KIF13A: variants seen among roughly 807,000 people sequenced by gnomAD.
The protein encoded by KIF13A is kinesin family member 13A.
KIF13A carries 79 observed loss-of-function variants against 212.2 expected under a neutral mutation model. That is an observed-to-expected ratio of 0.37 (90% confidence interval 0.31 to 0.45). The LOEUF (loss-of-function observed/expected upper bound fraction) is 0.45, where lower values mean the gene tolerates loss of function less well. KIF13A is among the 20% of genes least tolerant of loss of function. The pLI is 1.00. For missense variants in KIF13A, 1,901 were observed against 2,209.0 expected (o/e 0.86, Z 2.79); for synonymous variants, 789 against 808.6 (o/e 0.98, Z 0.41).
intron 2 of KIF13A, chr6:17,950,337 T>G: frequency 1.1e-6 from 1 of 893,020 alleles, no homozygotes; most frequent in South Asian, 5.2e-5. Flanking sequence ...TTTAAACAAA[T>G]CTAAGCACAA....
intron 16 of KIF13A, among the ~76,000 whole-genome samples, chr6:17,824,229 TAA>T: frequency 6.6e-6 from 1 of 152,052 alleles, no homozygotes; most frequent in African/African-American, 2.4e-5. Flanking sequence ...TTTTTATAAT[TAA>T]AAAAAGAGGC....
Position 17,961,648 on chromosome 6 carries a change from G to C in KIF13A, c.146+25406C>G, listed in dbSNP as rs948150001. Among the ~76,000 whole-genome samples the C allele has an allele frequency of 7.9e-5, 12 of 152,164 alleles. No homozygotes were observed. The highest frequency in any genetic ancestry group is 1.5e-4 in the Non-Finnish European group (10 of 68,040). On this transcript the variant is annotated intron_variant, in intron 2 of 38. Transcript: ENST00000259711. The surrounding 1 kb of genome is among the most constrained non-coding windows in gnomAD (Gnocchi z 4.1). ...CACCCAGGGCTTAGTAAATAGAATA[G>C]CTATGTTCTTTTTGAGCAACTAGCT...
chr6:17,833,422 G>A lies in KIF13A; in HGVS notation c.1266+539C>T, dbSNP rs190834854. On this transcript the variant is annotated intron_variant, in intron 12 of 38. Transcript: ENST00000259711. Reference sequence around the variant, plus strand: ...GAGGGAGGAGAATCACTTGAGCCCAGGATGTTGAGGCTGCAAGAGAGCTGT... The same window carrying A: ...GAGGGAGGAGAATCACTTGAGCCCAAGATGTTGAGGCTGCAAGAGAGCTGT... Among the ~76,000 whole-genome samples the A allele has an allele frequency of 4.6e-5, 7 of 150,812 alleles. No individual in the cohort carries two copies. In the Admixed American group the frequency reaches 4.7e-4, roughly 10 times the overall value.
intron 4 of KIF13A, among the ~76,000 whole-genome samples, chr6:17,864,143 C>G (rs1374093181): frequency 6.6e-6 from 1 of 152,156 alleles, no homozygotes; most frequent in Non-Finnish European, 1.5e-5. Flanking sequence ...CCAGACAATC[C>G]GAGCAGAGCC....
chr6:17,962,049 G>A (rs1261207162), intron 2 of KIF13A, among the ~76,000 whole-genome samples: 1 of 152,278 alleles, frequency 6.6e-6, no homozygotes, highest in Non-Finnish European at 1.5e-5. Flanking sequence ...GTAATAGGCT[G>A]GGTGTGGTGG....
At chr6:17,942,458 C>T (rs1467612578) in intron 2 of KIF13A, among the ~76,000 whole-genome samples, 2 of 151,816 alleles carry the variant, frequency 1.3e-5, no homozygotes, top group Non-Finnish European at 2.9e-5. Flanking sequence ...GTATAATTTC[C>T]AAATTTCACT....
downstream of KIF13A, among the ~76,000 whole-genome samples, chr6:17,762,765 C>A (rs2150279401): frequency 6.6e-6 from 1 of 152,272 alleles, no homozygotes; most frequent in East Asian, 1.9e-4. Context: ...GTGACTCTAT[C>A]ATTATTCTTA....
Position 17,796,656 on chromosome 6 carries a change from G to C in KIF13A, c.2942+13C>G. 4.1e-6 allele frequency: 6 copies of C among 1,470,766 alleles called. No individual in the cohort carries two copies. The highest frequency in any genetic ancestry group is 5.5e-6 in the Non-Finnish European group (6 of 1,099,896). The allele number at this position is 1,470,766 out of a possible 1,614,324, so 91.1% of individuals were successfully genotyped here. A position where few individuals can be genotyped will look rare whatever the true frequency, so the allele number is the denominator to read the frequency against. On this transcript the variant is annotated intron_variant, in intron 23 of 38. Transcript: ENST00000259711. ...CTTAACCTTGTACCTAAAGCTCACA[G>C]CCAAGTACAAACCTGTCATGCAGTG...
rs183458001 is a variant in KIF13A at position 17,908,118 on chromosome 6, T to C, written c.147-9938A>G. Among the ~76,000 whole-genome samples the C allele has an allele frequency of 5.1e-3, 779 of 152,260 alleles. 9 individuals are homozygous for C. The highest frequency in any genetic ancestry group is 8.4e-3 in the Non-Finnish European group (572 of 68,022). On this transcript the variant is annotated intron_variant, in intron 2 of 38. Coordinates refer to ENST00000259711, the MANE Select transcript of KIF13A (RefSeq NM_022113.6). ...ACTTGAAGGAAAAATCTGTAAGACT[T>C]GTTGAGTGTGTGCCCCCTCCACCTA...
intron 17 of KIF13A, among the ~76,000 whole-genome samples, chr6:17,810,063 T>C (rs78942727): frequency 8.8e-4 from 134 of 151,944 alleles, no homozygotes; most frequent in African/African-American, 3.1e-3. Context: ...CTCATCTCTA[T>C]TAAAAAAAAA....
intron 35 of KIF13A, among the ~76,000 whole-genome samples, chr6:17,774,800 C>T (rs1341928985): frequency 6.6e-6 from 1 of 150,736 alleles, no homozygotes; most frequent in East Asian, 1.9e-4. Flanking sequence ...AAGTGCAAAG[C>T]AATATCACAT....
chr6:17,789,857 C>A lies in KIF13A; in HGVS notation c.3261+15G>T. 6.2e-7 allele frequency: 1 copy of A among 1,609,824 alleles called. No individual in the cohort carries two copies. On this transcript the variant is annotated intron_variant, in intron 26 of 38. Transcript: ENST00000259711. This position sits in a 1 kb window ranked among gnomAD's most constrained non-coding sequence, Gnocchi z 4.8. The stretch of plus-strand genomic sequence containing the variant: ...GCTGTGCCCCATGCCACAGGATTGA[C>A]AGCAGTAGCAATACCTGATAACTAT...
At position 17,888,614 on chromosome 6, in the gene KIF13A, G is replaced by C. The variant is rs917610538; in HGVS notation, c.159+9554C>G. Among the ~76,000 whole-genome samples the C allele has an allele frequency of 3.3e-5, 5 of 152,078 alleles. No homozygotes were observed. Among genetic ancestry groups the C allele is most frequent in the Non-Finnish European group, 7.4e-5 (5 of 68,008 alleles). The stretch of plus-strand genomic sequence containing the variant: ...CAAAGCGGGCAGATCACTTGAGGCC[G>C]GGAGTTCGAGACCAGCTTGGCCAAC... On this transcript the variant is annotated intron_variant, in intron 3 of 38. Transcript: ENST00000259711. The surrounding 1 kb of genome is among the most constrained non-coding windows in gnomAD (Gnocchi z 4.8).
At position 17,838,748 on chromosome 6, in the gene KIF13A, C is replaced by T. The variant is rs1766224651; in HGVS notation, c.831-1165G>A. Among the ~76,000 whole-genome samples, 1 of 152,132 alleles carries T rather than the reference C, an allele frequency of 6.6e-6. No individual in the cohort carries two copies. The highest frequency in any genetic ancestry group is 1.5e-5 in the Non-Finnish European group (1 of 68,024). ...TAACGTGTACTCATGGACATAGAGA[C>T]TGGAATGGACAATGGAGACTTGGAA... On this transcript the variant is annotated intron_variant, in intron 9 of 38. Transcript: ENST00000259711. The surrounding 1 kb of genome is among the most constrained non-coding windows in gnomAD (Gnocchi z 4.2).
chr6:17,831,310 A>G, intron 12 of KIF13A, 75 bp from the exon 13 acceptor site: 1 of 1,509,664 alleles, frequency 6.6e-7, no homozygotes, highest in Non-Finnish European at 9.0e-7. Flanking sequence ...CGGAAAGAGT[A>G]AGTCACTGTT....
intron 4 of KIF13A, among the ~76,000 whole-genome samples, chr6:17,860,317 T>A (rs1768623085): frequency 6.6e-6 from 1 of 152,012 alleles, no homozygotes; most frequent in African/African-American, 2.4e-5. Flanking sequence ...GCCTCCTAAG[T>A]AGCTGGGATT....
chr6:17,764,045 A>T lies in KIF13A; in HGVS notation c.*65T>A. 6.5e-7 allele frequency: 1 copy of T among 1,543,930 alleles called. No individual in the cohort carries two copies. Among genetic ancestry groups the T allele is most frequent in the Non-Finnish European group, 8.7e-7 (1 of 1,144,958 alleles). On this transcript the variant is annotated 3_prime_UTR_variant, in exon 39 of 39. Transcript: ENST00000259711. This position sits in a 1 kb window ranked among gnomAD's most constrained non-coding sequence, Gnocchi z 5.1. ...CATCTTTGCTGTCACAAACAACTGGATGAATCTTTCCTACCAAGTTGTTGC... is the reference window on the plus strand; with the variant it reads ...CATCTTTGCTGTCACAAACAACTGGTTGAATCTTTCCTACCAAGTTGTTGC...
intron 3 of KIF13A, among the ~76,000 whole-genome samples, chr6:17,874,634 T>G (rs1019351883): frequency 6.6e-6 from 1 of 151,932 alleles, no homozygotes; most frequent in African/African-American, 2.4e-5. Flanking sequence ...TATTTTTCTA[T>G]AAGTTATTGG....
Position 17,856,321 on chromosome 6 carries a change from T to C in KIF13A, c.221-199A>G, listed in dbSNP as rs1395117043. ...TCTAAACTACAGCTCAGTACCTGGA[T>C]ACACTGTTTCCCTCTAAGACACTTC... On this transcript the variant is annotated intron_variant, in intron 4 of 38. Transcript: ENST00000259711. This position sits in a 1 kb window ranked among gnomAD's most constrained non-coding sequence, Gnocchi z 4.5. Among the ~76,000 whole-genome samples the C allele has an allele frequency of 1.3e-5, 2 of 152,236 alleles. No individual in the cohort carries two copies. Among genetic ancestry groups the C allele is most frequent in the African/African-American group, 2.4e-5 (1 of 41,468 alleles).
Sources: allele counts gnomAD v4.1 joint callset (sites outside exome capture counted in the v4.1 genomes callset), GRCh38; gene constraint gnomAD v4.1.1; non-coding constraint Gnocchi (gnomAD v3.1); transcripts MANE v1.5; gene names NCBI Gene and HGNC (gene_info 2026-07-23, HGNC 2026-07-21).